Variants in UVRAG observed in about 807,000 individuals in gnomAD.
UVRAG encodes the protein UV radiation resistance associated.
UVRAG carries 19 observed loss-of-function variants against 78.0 expected under a neutral mutation model. The ratio of observed to expected loss-of-function variants is 0.24; its 90% CI spans 0.17 to 0.36. UVRAG has a LOEUF of 0.36. Ranked by LOEUF, UVRAG falls within the 10% of genes least tolerant of loss-of-function variation. The pLI, the probability that UVRAG is intolerant of heterozygous loss-of-function variation, is 1.00. For synonymous variants in UVRAG, 323 were observed against 324.6 expected, an observed-to-expected ratio of 1.00 and a Z score of 0.05; for missense variants, 740 against 853.8, an observed-to-expected ratio of 0.87 and a Z score of 1.66.
chr11:76,075,808 G>A (rs1352441672), intron 13 of UVRAG, among the ~76,000 whole-genome samples: 1 of 152,064 alleles, frequency 6.6e-6, no homozygotes, highest in Non-Finnish European at 1.5e-5. Context: ...TAGATTTGCT[G>A]TTCTGGACAT....
chr11:76,097,217 A>G lies in UVRAG; in HGVS notation c.1306-18707A>G, dbSNP rs147787898. Among the ~76,000 whole-genome samples the G allele has an allele frequency of 4.8e-3, 729 of 152,146 alleles. 9 individuals are homozygous for G. The highest frequency in any genetic ancestry group is 0.017 in the African/African-American group (699 of 41,502). ...CTCGTCACTGTCATCAGGCATGCTC[A>G]TGACTTCTCTGGGGCACCTGGAATT... On this transcript the variant is annotated intron_variant, in intron 13 of 14. Transcript: ENST00000356136.
chr11:75,912,840 G>A (rs1021792769), intron 6 of UVRAG, among the ~76,000 whole-genome samples: 1 of 152,174 alleles, frequency 6.6e-6, no homozygotes, highest in African/African-American at 2.4e-5. Flanking sequence ...TTACAAAATT[G>A]GCCTTTCGTT....
intron 13 of UVRAG, among the ~76,000 whole-genome samples, chr11:76,095,870 C>CAAAA (rs747792893): frequency 1.3e-4 from 6 of 45,924 alleles, no homozygotes; most frequent in Non-Finnish European, 1.9e-4. Flanking sequence ...GACTCTGTCT[C>CAAAA]AAAAAAAAAA....
intron 6 of UVRAG, among the ~76,000 whole-genome samples, chr11:75,961,234 C>T (rs950216633): frequency 8.6e-5 from 13 of 152,010 alleles, no homozygotes; most frequent in Non-Finnish European, 1.9e-4. Flanking sequence ...CAGAGGCAGG[C>T]AGGCAAGTAC....
intron 14 of UVRAG, among the ~76,000 whole-genome samples, chr11:76,129,409 C>T (rs1044514384): frequency 1.3e-5 from 2 of 152,184 alleles, no homozygotes; most frequent in Admixed American, 6.5e-5. Context: ...TACCTCATCA[C>T]GAAAAGCTGG....
intron 3 of UVRAG, among the ~76,000 whole-genome samples, chr11:75,865,851 G>A (rs190034267): frequency 1.0e-3 from 153 of 152,298 alleles, no homozygotes; most frequent in African/African-American, 3.5e-3. Context: ...CTGATCTCCG[G>A]TGATCTGCCC....
chr11:75,886,554 G>A (rs1947083403), intron 4 of UVRAG, among the ~76,000 whole-genome samples: 1 of 152,064 alleles, frequency 6.6e-6, no homozygotes, highest in Admixed American at 6.5e-5. Context: ...CTTTTCCAAG[G>A]TGAAAAACTC....
chr11:75,877,920 C>T (rs1316129225), intron 3 of UVRAG, among the ~76,000 whole-genome samples: 1 of 149,312 alleles, frequency 6.7e-6, no homozygotes, highest in Non-Finnish European at 1.5e-5. Flanking sequence ...GGCTGACCCC[C>T]CCACCTCCCT....
intron 8 of UVRAG, among the ~76,000 whole-genome samples, chr11:75,991,189 A>G (rs1565107879): frequency 6.6e-6 from 1 of 152,210 alleles, no homozygotes; most frequent in African/African-American, 2.4e-5. Flanking sequence ...GCCCCAAATA[A>G]ATAGACAGTT....
At chr11:75,974,520 C>A (rs1248772911) in intron 7 of UVRAG, among the ~76,000 whole-genome samples, 1 of 151,456 alleles carries the variant, frequency 6.6e-6, no homozygotes, top group Non-Finnish European at 1.5e-5. Context: ...GCACCCGCCA[C>A]CGCGCCCGGC....
At chr11:76,106,842 A>C (rs1951981077) in intron 13 of UVRAG, among the ~76,000 whole-genome samples, 1 of 152,172 alleles carries the variant, frequency 6.6e-6, no homozygotes, top group African/African-American at 2.4e-5. Context: ...GCTGAACAGC[A>C]TGAATATCTA....
intron 12 of UVRAG, among the ~76,000 whole-genome samples, chr11:76,033,076 C>G (rs1196692888): frequency 6.6e-6 from 1 of 152,112 alleles, no homozygotes; most frequent in African/African-American, 2.4e-5. Context: ...AGAGTTTCTT[C>G]CACATGTAAC....
chr11:76,097,779 T>G lies in UVRAG; in HGVS notation c.1306-18145T>G, dbSNP rs147609524. Reference sequence around the variant, plus strand: ...GAAATAGTGTTGTTACCATAGCTAGTTTATATAGCTAGTTGAAATTCTATT... The same window carrying G: ...GAAATAGTGTTGTTACCATAGCTAGGTTATATAGCTAGTTGAAATTCTATT... On this transcript the variant is annotated intron_variant, in intron 13 of 14. Coordinates refer to ENST00000356136, the MANE Select transcript of UVRAG (RefSeq NM_003369.4). Among the ~76,000 whole-genome samples the G allele has an allele frequency of 3.0e-3, 450 of 152,238 alleles. 5 individuals are homozygous for G. The highest frequency in any genetic ancestry group is 0.01 in the African/African-American group (430 of 41,550).
chr11:76,022,930 T>C (rs536120679), intron 12 of UVRAG, among the ~76,000 whole-genome samples: 5 of 152,184 alleles, frequency 3.3e-5, no homozygotes, highest in East Asian at 3.9e-4. Context: ...CTGTGTATTT[T>C]ATAGATTTTT....
At chr11:75,869,068 A>C (rs1284362632) in intron 3 of UVRAG, among the ~76,000 whole-genome samples, 1 of 152,300 alleles carries the variant, frequency 6.6e-6, no homozygotes, top group East Asian at 1.9e-4. Context: ...CTTGTTTTAC[A>C]GCTGAGGAAC....
chr11:76,063,099 ATCT>A (rs1450488342), intron 12 of UVRAG, among the ~76,000 whole-genome samples: 2 of 152,218 alleles, frequency 1.3e-5, no homozygotes, highest in Non-Finnish European at 2.9e-5. Flanking sequence ...TTCACAAATA[ATCT>A]TTTTTAAAAA....
intron 7 of UVRAG, among the ~76,000 whole-genome samples, chr11:75,977,907 T>A (rs976702979): frequency 6.6e-6 from 1 of 152,216 alleles, no homozygotes; most frequent in African/African-American, 2.4e-5. Flanking sequence ...TTTGATCCTG[T>A]CATTATGATG....
intron 1 of UVRAG, among the ~76,000 whole-genome samples, chr11:75,845,871 A>G (rs1946021034): frequency 6.6e-6 from 1 of 152,208 alleles, no homozygotes; most frequent in South Asian, 2.1e-4. Context: ...CCAAAAAAAA[A>G]AAGTTAGCAG....
At chr11:75,969,415 C>T (rs866798892) in intron 7 of UVRAG, among the ~76,000 whole-genome samples, 6 of 152,148 alleles carry the variant, frequency 3.9e-5, no homozygotes, top group Admixed American at 3.3e-4. Flanking sequence ...GTTGCTTCTG[C>T]GTCTTAGAAC....
Sources: allele counts gnomAD v4.1 joint callset (sites outside exome capture counted in the v4.1 genomes callset), GRCh38; gene constraint gnomAD v4.1.1; transcripts MANE v1.5; gene names NCBI Gene and HGNC (gene_info 2026-07-23, HGNC 2026-07-21).